IQCM: variants seen among roughly 807,000 people sequenced by gnomAD.
IQCM encodes IQ motif containing M.
IQCM carries 45 observed loss-of-function variants against 57.6 expected under a neutral mutation model. That is an observed-to-expected ratio of 0.78 (90% CI 0.62 to 1.00). The LOEUF is 1.00. Ranked by LOEUF, IQCM falls within the 50% of genes least tolerant of loss-of-function variation. The probability of loss-of-function intolerance (pLI) is 0.00; values close to 1 mark genes in which losing one functional copy is unlikely to be tolerated. For synonymous variants in IQCM, 148 were observed against 158.9 expected, an observed-to-expected ratio of 0.93 and a Z score of 0.51; for missense variants, 468 against 511.6, an observed-to-expected ratio of 0.91 and a Z score of 0.82.
intron 12 of IQCM, 48 bp downstream of exon 12, chr4:149,548,406 GA>G (rs1300771685): frequency 8.2e-7 from 1 of 1,220,644 alleles, no homozygotes; most frequent in African/African-American, 1.6e-5. Context: ...AGAAAAGAAA[GA>G]AGTTGAAAGG....
chr4:149,460,782 C>G (rs1182989916), intron 12 of IQCM, among the ~76,000 whole-genome samples: 1 of 152,078 alleles, frequency 6.6e-6, no homozygotes, highest in East Asian at 1.9e-4. Context: ...CCATGTAGAA[C>G]AAAAGGTACT....
intron 12 of IQCM, among the ~76,000 whole-genome samples, chr4:149,474,467 G>C (rs920013118): frequency 6.6e-6 from 1 of 150,866 alleles, no homozygotes; most frequent in Non-Finnish European, 1.5e-5. Context: ...CCAGCACTTT[G>C]TAGGCTGAGG....
rs966956165 is a variant in IQCM at position 149,704,483 on chromosome 4, C to T, written c.386-18015G>A. ...ATGAATAATTGTGACAGAGATCATA[C>T]GGCCCACAAAGCCAAAAATATTTAC... On this transcript the variant is annotated intron_variant, in intron 5 of 13. Transcript: ENST00000636793. 7.9e-5 allele frequency among the ~76,000 whole-genome samples: 12 copies of T among 151,992 alleles called. No homozygotes were observed. The East Asian group carries it at 9.7e-4, about 12-fold the overall frequency.
chr4:149,584,899 A>G (rs1056998410), intron 9 of IQCM, among the ~76,000 whole-genome samples: 2 of 151,798 alleles, frequency 1.3e-5, no homozygotes, highest in Non-Finnish European at 2.9e-5. Flanking sequence ...TCACATTAGC[A>G]GTCATTCCAG....
chr4:149,410,555 G>T (rs1428024488), intron 13 of IQCM, among the ~76,000 whole-genome samples: 1 of 151,054 alleles, frequency 6.6e-6, no homozygotes, highest in African/African-American at 2.4e-5. Context: ...TAAACCACTG[G>T]CTTGTCATGA....
At chr4:149,637,163 A>G (rs1318675297) in intron 7 of IQCM, among the ~76,000 whole-genome samples, 538 of 135,730 alleles carry the variant, frequency 4.0e-3, no homozygotes, top group African/African-American at 5.7e-3. Flanking sequence ...AAAAAAAAAG[A>G]AAAAAAAAAA....
At chr4:149,637,886 T>C (rs975409578) in intron 7 of IQCM, among the ~76,000 whole-genome samples, 11 of 152,132 alleles carry the variant, frequency 7.2e-5, no homozygotes, top group African/African-American at 2.2e-4. Flanking sequence ...AGAATAACTA[T>C]AGAAAATATT....
At chr4:149,470,339 A>C (rs4835584) in intron 12 of IQCM, among the ~76,000 whole-genome samples, 141,528 of 151,934 alleles carry the variant, frequency 0.93, 66,736 homozygotes, top group East Asian at 1. Context: ...TCTGATAAAA[A>C]AGACTTTAAA....
intron 12 of IQCM, among the ~76,000 whole-genome samples, chr4:149,539,569 A>C (rs2149873666): frequency 6.6e-6 from 1 of 152,276 alleles, no homozygotes; most frequent in Admixed American, 6.5e-5. Flanking sequence ...TGAGATGTTA[A>C]AAAATAAAAA....
rs34250922 is a variant in IQCM at position 149,699,695 on chromosome 4, C to CAAA, written c.386-13230_386-13228dup. Among the ~76,000 whole-genome samples, 133 of 25,920 alleles carry CAAA rather than the reference C, an allele frequency of 5.1e-3. 4 individuals carry two copies. The highest frequency in any genetic ancestry group is 0.016 in the African/African-American group (125 of 7,698). The allele number at this position is 25,920 out of a possible 152,430, so 17.0% of individuals were successfully genotyped here. On this transcript the variant is annotated intron_variant, in intron 5 of 13. Transcript: ENST00000636793. ...CCTGGGTTAAAAGGGGTTTGAGTGG[C>CAAA]AAAAAAAAAAAAAAAAAAAAAAAAA...
At chr4:149,792,369 G>T (rs1772709381) in intron 2 of IQCM, among the ~76,000 whole-genome samples, 1 of 151,948 alleles carries the variant, frequency 6.6e-6, no homozygotes, top group Non-Finnish European at 1.5e-5. Flanking sequence ...ACCAGCCTGG[G>T]CAACATAGTA....
chr4:149,560,187 T>C lies in IQCM; in HGVS notation c.948+3505A>G, dbSNP rs561708264. The stretch of plus-strand genomic sequence containing the variant: ...CTGTTTTGTTCTTTTGAGATAATGA[T>C]AGGAAATTCCTACTTTATCAAATTT... On this transcript the variant is annotated intron_variant, in intron 10 of 13. Coordinates refer to ENST00000636793, the MANE Select transcript of IQCM (RefSeq NM_001363507.2). 1.1e-4 allele frequency among the ~76,000 whole-genome samples: 16 copies of C among 152,348 alleles called. No individual in the cohort carries two copies. The East Asian group carries it at 2.9e-3, about 28-fold the overall frequency.
At chr4:149,671,661 G>T (rs945550446) in intron 7 of IQCM, among the ~76,000 whole-genome samples, 2 of 152,150 alleles carry the variant, frequency 1.3e-5, no homozygotes, top group South Asian at 2.1e-4. Context: ...GTGTCCCAGA[G>T]ATTCTGGTAT....
At chr4:149,356,153 C>G (rs536772837) in intron 13 of IQCM, among the ~76,000 whole-genome samples, 1 of 152,230 alleles carries the variant, frequency 6.6e-6, no homozygotes, top group East Asian at 1.9e-4. Context: ...AGCCGTTTGT[C>G]AGATGAGTAA....
At chr4:149,520,450 A>T (rs2149829509) in intron 12 of IQCM, among the ~76,000 whole-genome samples, 1 of 152,240 alleles carries the variant, frequency 6.6e-6, no homozygotes, top group Non-Finnish European at 1.5e-5. Flanking sequence ...ATTTGTGATG[A>T]TGAATTACAT....
At chr4:149,788,058 G>A (rs977286107) in intron 2 of IQCM, among the ~76,000 whole-genome samples, 5 of 152,232 alleles carry the variant, frequency 3.3e-5, no homozygotes, top group Admixed American at 6.5e-5. Flanking sequence ...CAGGCCAGGC[G>A]CAGTGGGGCT....
chr4:149,466,066 G>T (rs188954427), intron 12 of IQCM, among the ~76,000 whole-genome samples: 6 of 152,276 alleles, frequency 3.9e-5, no homozygotes, highest in Non-Finnish European at 7.4e-5. Context: ...AAACCCAGCT[G>T]ACTCAATACA....
chr4:149,491,728 T>C (rs1742118231), intron 12 of IQCM, among the ~76,000 whole-genome samples: 1 of 152,118 alleles, frequency 6.6e-6, no homozygotes, highest in Admixed American at 6.6e-5. Context: ...GGGGTGCAGA[T>C]GTCTCTGTGA....
chr4:149,441,133 T>C (rs1268769464), intron 12 of IQCM, among the ~76,000 whole-genome samples: 1 of 152,164 alleles, frequency 6.6e-6, no homozygotes, highest in Non-Finnish European at 1.5e-5. Flanking sequence ...AATATAAATA[T>C]AACTGCATCT....
Sources: gnomAD v4.1 joint callset for allele counts (sites outside exome capture counted in the v4.1 genomes callset) on GRCh38, gnomAD v4.1.1 for gene constraint, MANE v1.5 for transcripts, NCBI Gene and HGNC (gene_info 2026-07-23, HGNC 2026-07-21) for gene names.